S100Z: variants seen among roughly 807,000 people sequenced by gnomAD.
S100Z encodes protein S100-Z.
A neutral mutation model predicts 8.5 loss-of-function variants in S100Z; 11 were observed. The observed-to-expected ratio is 1.30, with a 90% confidence interval of 0.82 to 2.15. S100Z has a LOEUF of 2.15. S100Z is among the 30% of genes most tolerant of loss of function. S100Z has a pLI of 0.00. For synonymous variants in S100Z, 34 were observed against 43.8 expected (o/e 0.78, Z 0.89); for missense variants, 126 against 117.9 (o/e 1.07, Z -0.32).
chr5:76,946,071 T>C, the S100Z span, among the ~76,000 whole-genome samples: 19 of 152,356 alleles, frequency 1.2e-4, no homozygotes, highest in Admixed American at 9.8e-4. Context: ...GCTGCTAGTC[T>C]AGTCATTTGG....
intron 1 of S100Z, among the ~76,000 whole-genome samples, chr5:76,865,032 G>A (rs1751217996): frequency 7.0e-6 from 1 of 143,630 alleles, no homozygotes; most frequent in Non-Finnish European, 1.5e-5. Flanking sequence ...TGTTAGTTTA[G>A]CGTGTACTCC....
chr5:76,946,385 C>T, the S100Z span, among the ~76,000 whole-genome samples: 56 of 152,136 alleles, frequency 3.7e-4, no homozygotes, highest in African/African-American at 1.3e-3. Flanking sequence ...TTATAACTTC[C>T]AGTTCCCCCT....
intron 1 of S100Z, among the ~76,000 whole-genome samples, chr5:76,863,203 G>C (rs531047569): frequency 3.9e-5 from 6 of 152,198 alleles, no homozygotes; most frequent in Non-Finnish European, 8.8e-5. Context: ...GTATAGTCAA[G>C]GCTCTCCTTG....
the S100Z span, among the ~76,000 whole-genome samples, chr5:76,945,463 T>C: frequency 9.8e-5 from 15 of 152,328 alleles, no homozygotes; most frequent in South Asian, 1.2e-3. Context: ...CCCCTGGGAA[T>C]GGAATGTCTC....
the S100Z span, among the ~76,000 whole-genome samples, chr5:76,933,227 TCTC>T: frequency 1.1e-4 from 17 of 152,284 alleles, no homozygotes; most frequent in East Asian, 3.3e-3. Context: ...AGGCTTCCCA[TCTC>T]CTGTTCTCTA....
At chr5:76,899,388 A>ATTTTTTTTTT (rs545916640) in intron 4 of S100Z, among the ~76,000 whole-genome samples, 1 of 126,122 alleles carries the variant, frequency 7.9e-6, no homozygotes, top group African/African-American at 2.9e-5. Flanking sequence ...CCATTTTGCT[A>ATTTTTTTTTT]TTTTTTTTTT....
At chr5:76,930,746 C>A in the S100Z span, among the ~76,000 whole-genome samples, 1 of 152,130 alleles carries the variant, frequency 6.6e-6, no homozygotes, top group Non-Finnish European at 1.5e-5. Context: ...TGACTCAGCA[C>A]TGATGTTTTT....
chr5:76,873,311 AT>A (rs1355914184), intron 2 of S100Z, among the ~76,000 whole-genome samples: 2,110 of 134,530 alleles, frequency 0.016, 27 homozygotes, highest in African/African-American at 0.043. Flanking sequence ...AAAACTAACA[AT>A]TTTTTTTTTT....
chr5:76,877,630 G>A (rs1432483792), intron 3 of S100Z, 44 bp from the exon 4 acceptor site: 4 of 1,208,454 alleles, frequency 3.3e-6, no homozygotes, highest in Non-Finnish European at 4.8e-6. Flanking sequence ...TTGTCATCAT[G>A]AACCTCAGAG....
the S100Z span, among the ~76,000 whole-genome samples, chr5:76,928,015 G>T: frequency 6.6e-6 from 1 of 152,270 alleles, no homozygotes; most frequent in African/African-American, 2.4e-5. Flanking sequence ...TTTGGGTGGG[G>T]CATGTGCTGG....
chr5:76,917,540 G>C (rs2150686765), intron 4 of S100Z, among the ~76,000 whole-genome samples: 1 of 152,288 alleles, frequency 6.6e-6, no homozygotes, highest in South Asian at 2.1e-4. Flanking sequence ...TCAAAAATCA[G>C]AAATTGGCCT....
the S100Z span, among the ~76,000 whole-genome samples, chr5:76,937,847 C>T: frequency 2.0e-5 from 3 of 150,944 alleles, no homozygotes; most frequent in Non-Finnish European, 4.4e-5. Flanking sequence ...GTTTCTGCTG[C>T]TCTTTCATTC....
intron 4 of S100Z, among the ~76,000 whole-genome samples, chr5:76,909,946 T>A (rs1410216020): frequency 1.3e-5 from 2 of 152,198 alleles, no homozygotes; most frequent in Admixed American, 6.5e-5. Flanking sequence ...ACCTGGTATC[T>A]TAGTCAAGTA....
At chr5:76,905,173 A>C (rs1744382326) in intron 4 of S100Z, among the ~76,000 whole-genome samples, 1 of 152,060 alleles carries the variant, frequency 6.6e-6, no homozygotes, top group Admixed American at 6.6e-5. Context: ...CAAGGTTGAC[A>C]AGCTTAATTC....
At chr5:76,945,749 A>T in the S100Z span, among the ~76,000 whole-genome samples, 1 of 152,162 alleles carries the variant, frequency 6.6e-6, no homozygotes, top group Non-Finnish European at 1.5e-5. Flanking sequence ...CCTCTTGCTG[A>T]GACAGTGAAA....
chr5:76,891,326 C>G (rs140059276), intron 4 of S100Z, among the ~76,000 whole-genome samples: 40 of 152,252 alleles, frequency 2.6e-4, no homozygotes, highest in African/African-American at 8.9e-4. Context: ...CATTCAGATT[C>G]CAATTCAATT....
At chr5:76,903,162 G>A (rs1744295321) in intron 4 of S100Z, among the ~76,000 whole-genome samples, 1 of 152,162 alleles carries the variant, frequency 6.6e-6, no homozygotes, top group Admixed American at 6.5e-5. Context: ...ACTCCAGCCT[G>A]GGTGAAGAGT....
chr5:76,915,029 G>A (rs574334795), intron 4 of S100Z, among the ~76,000 whole-genome samples: 1 of 152,298 alleles, frequency 6.6e-6, no homozygotes, highest in African/African-American at 2.4e-5. Flanking sequence ...CATAAGGCCG[G>A]GCACGGTGGC....
chr5:76,873,603 A>G (rs11950208), intron 2 of S100Z, among the ~76,000 whole-genome samples: 15,524 of 152,002 alleles, frequency 0.1, 2,474 homozygotes, highest in African/African-American at 0.34. Context: ...CAGCCTGAAT[A>G]TGTTTGAAAA....
Sources: gnomAD v4.1 joint callset for allele counts (sites outside exome capture counted in the v4.1 genomes callset) on GRCh38, gnomAD v4.1.1 for gene constraint, MANE v1.5 for transcripts, NCBI Gene and HGNC (gene_info 2026-07-23, HGNC 2026-07-21) for gene names.